The following PITPNC1 variants were observed in gnomAD, a reference collection of about 807,000 sequenced individuals.
PITPNC1 encodes the protein cytoplasmic phosphatidylinositol transfer protein 1.
PITPNC1 carries 18 observed loss-of-function variants against 44.7 expected under a neutral mutation model. That is an observed-to-expected ratio of 0.40 (90% CI 0.28 to 0.60). PITPNC1 has a LOEUF of 0.60. Ranked by LOEUF, PITPNC1 falls within the 20% of genes least tolerant of loss-of-function variation. The pLI is 0.39. For missense variants in PITPNC1, 290 were observed against 418.4 expected, an observed-to-expected ratio of 0.69 and a Z score of 2.68; for synonymous variants, 141 against 149.6, an observed-to-expected ratio of 0.94 and a Z score of 0.42.
intron 5 of PITPNC1, among the ~76,000 whole-genome samples, chr17:67,622,534 T>TTA (rs1348032622): frequency 1.8e-4 from 26 of 147,580 alleles, no homozygotes; most frequent in African/African-American, 5.9e-4. Context: ...TTTTTTTTTT[T>TTA]ACAGCCATTA....
chr17:67,645,392 T>TGAG, intron 6 of PITPNC1, among the ~76,000 whole-genome samples: 1 of 151,348 alleles, frequency 6.6e-6, no homozygotes, highest in East Asian at 1.9e-4. Context: ...ATTGACACAT[T>TGAG]GAGGAGGAGC....
At chr17:67,496,369 T>C (rs1381032215) in intron 1 of PITPNC1, among the ~76,000 whole-genome samples, 3 of 152,206 alleles carry the variant, frequency 2.0e-5, no homozygotes, top group Admixed American at 2.0e-4. Flanking sequence ...AACTACATTA[T>C]CCAATATGCA....
chr17:67,644,385 C>A (rs1234067256), intron 6 of PITPNC1, among the ~76,000 whole-genome samples: 1 of 150,952 alleles, frequency 6.6e-6, no homozygotes, highest in African/African-American at 2.4e-5. Context: ...ATACAACAAG[C>A]TCTTCTTCAG....
intron 5 of PITPNC1, among the ~76,000 whole-genome samples, chr17:67,625,534 T>G (rs1442829912): frequency 6.6e-6 from 1 of 152,180 alleles, no homozygotes; most frequent in African/African-American, 2.4e-5. Flanking sequence ...AGCCACTGCT[T>G]GTTTTTAATG....
intron 6 of PITPNC1, among the ~76,000 whole-genome samples, chr17:67,644,376 TACA>T (rs1278598968): frequency 6.6e-6 from 1 of 150,748 alleles, no homozygotes; most frequent in Non-Finnish European, 1.5e-5. Context: ...AGTGAACAGA[TACA>T]ACAAGCTCTT....
intron 1 of PITPNC1, among the ~76,000 whole-genome samples, chr17:67,400,586 A>G (rs1465369780): frequency 1.3e-5 from 2 of 151,934 alleles, no homozygotes; most frequent in African/African-American, 4.8e-5. Flanking sequence ...TGCCGTGCTG[A>G]TTTCCTGTAG....
chr17:67,428,633 T>C (rs1418533279), intron 1 of PITPNC1, among the ~76,000 whole-genome samples: 3 of 152,066 alleles, frequency 2.0e-5, no homozygotes, highest in Non-Finnish European at 1.5e-5. Flanking sequence ...TTAAACATTC[T>C]TCTTGATAAT....
intron 1 of PITPNC1, among the ~76,000 whole-genome samples, chr17:67,510,824 G>A (rs900605813): frequency 6.6e-6 from 1 of 151,964 alleles, no homozygotes; most frequent in African/African-American, 2.4e-5. Flanking sequence ...AGACTCCCGG[G>A]TCCCATCCTC....
intron 1 of PITPNC1, among the ~76,000 whole-genome samples, chr17:67,458,098 A>G (rs1246416594): frequency 6.6e-6 from 1 of 152,116 alleles, no homozygotes; most frequent in East Asian, 1.9e-4. Context: ...ACTTTCTTAC[A>G]TCTGCGTCTC....
chr17:67,522,655 T>A (rs1215555219), intron 1 of PITPNC1, among the ~76,000 whole-genome samples: 1 of 110,938 alleles, frequency 9.0e-6, no homozygotes, highest in African/African-American at 3.3e-5. Context: ...TTTACCATTT[T>A]AATCTTTTTT....
intron 6 of PITPNC1, among the ~76,000 whole-genome samples, chr17:67,663,961 G>GTTTTTTGT (rs1447064794): frequency 6.6e-6 from 1 of 151,900 alleles, no homozygotes; most frequent in Non-Finnish European, 1.5e-5. Flanking sequence ...GTTTTGTTTT[G>GTTTTTTGT]TTTTTTGTTT....
At chr17:67,390,847 A>G (rs368801093) in intron 1 of PITPNC1, among the ~76,000 whole-genome samples, 1 of 152,206 alleles carries the variant, frequency 6.6e-6, no homozygotes, top group Non-Finnish European at 1.5e-5. Context: ...GCCACATTAT[A>G]CAAGACTGTT....
chr17:67,627,930 G>GTTT (rs113761965), intron 5 of PITPNC1, among the ~76,000 whole-genome samples: 5 of 137,638 alleles, frequency 3.6e-5, no homozygotes, highest in Non-Finnish European at 7.9e-5. Context: ...CTTCTTTTTT[G>GTTT]TTTTTTTTTT....
At chr17:67,549,168 T>C (rs2040723751) in intron 2 of PITPNC1, among the ~76,000 whole-genome samples, 1 of 151,938 alleles carries the variant, frequency 6.6e-6, no homozygotes, top group South Asian at 2.1e-4. Flanking sequence ...ATTAGAAGAG[T>C]TCAGGCCGGG....
intron 6 of PITPNC1, among the ~76,000 whole-genome samples, chr17:67,658,589 C>A (rs1278476903): frequency 6.6e-6 from 1 of 152,124 alleles, no homozygotes. Context: ...CCTAATTCTT[C>A]CTGGTTGTGA....
At chr17:67,592,149 G>C (rs2041401254) in intron 5 of PITPNC1, among the ~76,000 whole-genome samples, 2 of 152,104 alleles carry the variant, frequency 1.3e-5, no homozygotes, top group Admixed American at 1.3e-4. Context: ...ATCTTAAATA[G>C]AATACTAAAT....
At chr17:67,441,326 G>A (rs1255001678) in intron 1 of PITPNC1, among the ~76,000 whole-genome samples, 1 of 147,354 alleles carries the variant, frequency 6.8e-6, no homozygotes, top group Admixed American at 6.9e-5. Flanking sequence ...TGTCTCAAAC[G>A]CATTTCCCAC....
At chr17:67,448,802 TG>T (rs1342696757) in intron 1 of PITPNC1, among the ~76,000 whole-genome samples, 1 of 152,176 alleles carries the variant, frequency 6.6e-6, no homozygotes, top group East Asian at 1.9e-4. Flanking sequence ...TTGTTTGAGA[TG>T]GGGTCTTGCT....
chr17:67,623,154 G>A (rs1191243299), intron 5 of PITPNC1, among the ~76,000 whole-genome samples: 1 of 149,946 alleles, frequency 6.7e-6, no homozygotes. Context: ...GAGGATCAGT[G>A]GTTTGGCTAG....
Sources: allele counts gnomAD v4.1 joint callset (sites outside exome capture counted in the v4.1 genomes callset), GRCh38; gene constraint gnomAD v4.1.1; transcripts MANE v1.5; gene names NCBI Gene and HGNC (gene_info 2026-07-23, HGNC 2026-07-21).